STXBP5L: variants seen among roughly 807,000 people sequenced by gnomAD.
STXBP5L encodes the protein syntaxin-binding protein 5-like.
STXBP5L carries 65 observed loss-of-function variants against 144.5 expected under a neutral mutation model. That is an observed-to-expected ratio of 0.45 (90% CI 0.37 to 0.55). The LOEUF (loss-of-function observed/expected upper bound fraction) is 0.55, where lower values mean the gene tolerates loss of function less well. Ranked by LOEUF, STXBP5L falls within the 20% of genes least tolerant of loss-of-function variation. The pLI is 0.00. For missense variants in STXBP5L, 1,298 were observed against 1,405.5 expected (o/e 0.92, Z 1.22); for synonymous variants, 505 against 469.6 (o/e 1.08, Z -0.97).
chr3:120,952,993 T>C (rs762446266), intron 2 of STXBP5L, among the ~76,000 whole-genome samples: 2 of 151,506 alleles, frequency 1.3e-5, no homozygotes, highest in African/African-American at 2.4e-5. Context: ...AGAGACAAGA[T>C]CTCTCTATCT....
rs574289898 is a variant in STXBP5L, at chr3:121,196,961, G to T, written c.878-8962G>T. 2.6e-5 allele frequency among the ~76,000 whole-genome samples: 4 copies of T among 152,220 alleles called. No homozygotes were observed. In the East Asian group the frequency reaches 7.7e-4, roughly 29 times the overall value. On this transcript the variant is annotated intron_variant, in intron 9 of 26. Transcript: ENST00000471454. ...GCCTCCCAAAGTGCTGGGATTTCAG[G>T]TGCAACCCACTGGGCTCAGCCTTTT... is the stretch of plus-strand genomic sequence containing the variant.
chr3:121,303,529 T>A (rs915971228), intron 19 of STXBP5L, among the ~76,000 whole-genome samples: 1 of 152,144 alleles, frequency 6.6e-6, no homozygotes, highest in Non-Finnish European at 1.5e-5. Flanking sequence ...CATTACTGGG[T>A]ATATACCCAA....
chr3:121,289,527 T>A (rs1224083817), intron 19 of STXBP5L, among the ~76,000 whole-genome samples: 1 of 152,116 alleles, frequency 6.6e-6, no homozygotes, highest in African/African-American at 2.4e-5. Context: ...ACAATGGACT[T>A]AAACTATACC....
intron 3 of STXBP5L, among the ~76,000 whole-genome samples, chr3:121,004,447 G>T (rs7646033): frequency 0.51 from 77,413 of 150,624 alleles, 20,340 homozygotes; most frequent in Admixed American, 0.6. Context: ...AAGGAGATTT[G>T]GGGCTGAGAC....
intron 7 of STXBP5L, among the ~76,000 whole-genome samples, chr3:121,140,885 A>T (rs752400439): frequency 2.6e-5 from 4 of 152,160 alleles, no homozygotes; most frequent in Admixed American, 6.6e-5. Flanking sequence ...TAGAGTGTAG[A>T]TGTTATGTGA....
At chr3:121,263,125 G>A (rs2050438956) in intron 18 of STXBP5L, among the ~76,000 whole-genome samples, 1 of 152,206 alleles carries the variant, frequency 6.6e-6, no homozygotes, top group African/African-American at 2.4e-5. Context: ...GGAAGGAACA[G>A]GCAGCAATCT....
chr3:121,127,757 G>A (rs557074497), intron 7 of STXBP5L, among the ~76,000 whole-genome samples: 2 of 151,968 alleles, frequency 1.3e-5, no homozygotes, highest in African/African-American at 4.8e-5. Context: ...ACCTGGGATG[G>A]AAAAATTTAT....
Position 121,381,399 on chromosome 3 carries a change from A to G in STXBP5L, c.2454A>G (p.Ala818=). Residue 818 remains alanine (A), a synonymous_variant, in exon 22 of 27, where the codon GCA becomes GCG. Transcript: ENST00000471454. ...CACTATACTTCATGGACTCCTTTGC[A>G]CGGAAAAATGACTCTACCATCTCTC... The part of the protein sequence containing the change: ...ITALYFMDSF[A]RKNDSTISPC... 1 of 1,611,250 alleles carries G rather than the reference A, an allele frequency of 6.2e-7. No individual in the cohort carries two copies. The highest frequency in any genetic ancestry group is 1.7e-4 in the Middle Eastern group (1 of 6,042).
intron 3 of STXBP5L, among the ~76,000 whole-genome samples, chr3:121,025,056 C>T (rs1467813320): frequency 6.6e-6 from 1 of 152,096 alleles, no homozygotes. Context: ...ACTAAATCAC[C>T]TTGGCAAGGC....
At chr3:120,934,579 T>C (rs1291575898) in intron 2 of STXBP5L, among the ~76,000 whole-genome samples, 2 of 152,074 alleles carry the variant, frequency 1.3e-5, no homozygotes, top group Non-Finnish European at 1.5e-5. Flanking sequence ...CTGTTAATTA[T>C]TGAGAGAGGG....
chr3:121,257,640 G>A (rs1449096099), intron 17 of STXBP5L, among the ~76,000 whole-genome samples: 1 of 152,164 alleles, frequency 6.6e-6, no homozygotes, highest in Non-Finnish European at 1.5e-5. Flanking sequence ...GAAAAAGTAT[G>A]TTTATGGGGT....
At chr3:121,299,521 A>C (rs2051801222) in intron 19 of STXBP5L, among the ~76,000 whole-genome samples, 1 of 152,142 alleles carries the variant, frequency 6.6e-6, no homozygotes, top group Non-Finnish European at 1.5e-5. Flanking sequence ...AGGAACTATC[A>C]GTTAACTTGA....
chr3:121,098,291 A>G (rs2043232756), intron 5 of STXBP5L, among the ~76,000 whole-genome samples: 1 of 152,150 alleles, frequency 6.6e-6, no homozygotes, highest in Non-Finnish European at 1.5e-5. Flanking sequence ...CACCTCTGAA[A>G]GCTTACAATC....
At chr3:121,338,726 T>A (rs1474216942) in intron 20 of STXBP5L, among the ~76,000 whole-genome samples, 1 of 151,444 alleles carries the variant, frequency 6.6e-6, no homozygotes, top group East Asian at 1.9e-4. Flanking sequence ...TTACAGCTGA[T>A]ACCACAGGAA....
intron 3 of STXBP5L, among the ~76,000 whole-genome samples, chr3:121,001,010 G>C (rs184979406): frequency 1.3e-5 from 2 of 152,268 alleles, no homozygotes; most frequent in African/African-American, 4.8e-5. Flanking sequence ...CGGGGGGAAG[G>C]GGGTAAGTGT....
At chr3:120,997,301 A>T (rs1167119232) in intron 3 of STXBP5L, among the ~76,000 whole-genome samples, 1 of 152,166 alleles carries the variant, frequency 6.6e-6, no homozygotes, top group African/African-American at 2.4e-5. Flanking sequence ...TCTTGGGTAT[A>T]TACCCACTAG....
intron 19 of STXBP5L, among the ~76,000 whole-genome samples, chr3:121,290,338 C>T (rs1164710681): frequency 1.3e-5 from 2 of 152,178 alleles, no homozygotes; most frequent in East Asian, 3.9e-4. Flanking sequence ...TACAACCCTC[C>T]TGGATTAAAC....
chr3:120,958,798 A>G (rs1938361985), intron 3 of STXBP5L, among the ~76,000 whole-genome samples: 1 of 152,226 alleles, frequency 6.6e-6, no homozygotes, highest in South Asian at 2.1e-4. Flanking sequence ...AGCCAATATT[A>G]TACTGAATGG....
At chr3:121,023,959 C>T (rs1397403031) in intron 3 of STXBP5L, among the ~76,000 whole-genome samples, 3 of 152,012 alleles carry the variant, frequency 2.0e-5, no homozygotes, top group Non-Finnish European at 4.4e-5. Flanking sequence ...GGAGTTTCAC[C>T]GTGTTAGCCA....
Sources: allele counts gnomAD v4.1 joint callset (sites outside exome capture counted in the v4.1 genomes callset), GRCh38; gene constraint gnomAD v4.1.1; transcripts MANE v1.5; gene names NCBI Gene and HGNC (gene_info 2026-07-23, HGNC 2026-07-21).